Variants in STOX1 observed in about 807,000 individuals in gnomAD.
STOX1 encodes the protein storkhead-box protein 1.
STOX1 carries 57 observed loss-of-function variants against 74.8 expected under a neutral mutation model. That is an observed-to-expected ratio of 0.76 (90% confidence interval 0.62 to 0.95). The LOEUF is 0.95. STOX1 is among the 40% of genes least tolerant of loss of function. The probability of loss-of-function intolerance (pLI) is 0.00; values close to 1 mark genes in which losing one functional copy is unlikely to be tolerated. For synonymous variants in STOX1, 375 were observed against 401.3 expected (o/e 0.93, Z 0.78); for missense variants, 1,010 against 1,117.0 (o/e 0.90, Z 1.37).
chr10:68,884,833 A>T lies in STOX1; in HGVS notation c.1037A>T (p.Asp346Val). The T allele has an allele frequency of 6.2e-7, 1 of 1,614,214 alleles. No homozygotes were observed. The highest frequency in any genetic ancestry group is 2.2e-5 in the East Asian group (1 of 44,884). The change falls in exon 3 of 4, where the codon GAT (aspartate) becomes GTT (valine). Residue 346 changes from aspartate (D) to valine (V), a missense_variant. Physicochemically the swap from Asp to Val is radical, Grantham distance 152 (BLOSUM62 -3). Transcript: ENST00000298596. ...QFPPEEWPVR[D>V]EDDLDNIPRD... ...CCACCTGAAGAATGGCCCGTCCGAG[A>T]TGAAGATGACTTGGACAATATCCCT...
chr10:68,868,831 A>T (rs1840468425), intron 1 of STOX1, among the ~76,000 whole-genome samples: 1 of 152,362 alleles, frequency 6.6e-6, no homozygotes, highest in Non-Finnish European at 1.5e-5. Flanking sequence ...AAAAGCGCTG[A>T]TATCAGTAGA....
chr10:68,830,257 C>T (rs1311978560), intron 1 of STOX1, among the ~76,000 whole-genome samples: 6 of 152,138 alleles, frequency 3.9e-5, no homozygotes, highest in East Asian at 1.9e-4. Flanking sequence ...GGGTGTGCAA[C>T]GCAGTGGACT....
At chr10:68,838,254 A>G (rs1254053664) in intron 1 of STOX1, among the ~76,000 whole-genome samples, 1 of 151,748 alleles carries the variant, frequency 6.6e-6, no homozygotes, top group Non-Finnish European at 1.5e-5. Context: ...TTTAGTAGTG[A>G]TGGTGTTTCA....
At chr10:68,868,919 A>G (rs537509110) in intron 1 of STOX1, among the ~76,000 whole-genome samples, 1 of 152,344 alleles carries the variant, frequency 6.6e-6, no homozygotes, top group African/African-American at 2.4e-5. Flanking sequence ...AGATACTATT[A>G]TTCATCTTGA....
At chr10:68,835,990 G>A (rs960221030) in intron 1 of STOX1, among the ~76,000 whole-genome samples, 3 of 152,172 alleles carry the variant, frequency 2.0e-5, no homozygotes, top group Non-Finnish European at 4.4e-5. Context: ...TCCTGCCTCA[G>A]CCTCCTAAGT....
rs567989510 is a variant in STOX1 at position 68,828,701 on chromosome 10, A to T, written c.310+768A>T. Reference sequence around the variant, plus strand: ...CATATCTGGCAGCTTTATTATTATTATTTTTTGAACTACAGATCTGCAGCG... The same window carrying T: ...CATATCTGGCAGCTTTATTATTATTTTTTTTTGAACTACAGATCTGCAGCG... On this transcript the variant is annotated intron_variant, in intron 1 of 3. Coordinates refer to ENST00000298596, the MANE Select transcript of STOX1 (RefSeq NM_152709.5). 5.8e-4 allele frequency among the ~76,000 whole-genome samples: 89 copies of T among 152,168 alleles called. 2 individuals are homozygous for T. The South Asian group carries it at 0.018, about 30-fold the overall frequency.
At chr10:68,859,338 G>C (rs946376374) in intron 1 of STOX1, among the ~76,000 whole-genome samples, 1 of 152,042 alleles carries the variant, frequency 6.6e-6, no homozygotes, top group Non-Finnish European at 1.5e-5. Context: ...ATTTCTGCAT[G>C]CTGTAAGGAA....
chr10:68,861,468 C>T (rs764251406), intron 1 of STOX1, among the ~76,000 whole-genome samples: 1 of 152,130 alleles, frequency 6.6e-6, no homozygotes, highest in South Asian at 2.1e-4. Flanking sequence ...CAGCAACCTC[C>T]AGCGTGAGCA....
intron 3 of STOX1, among the ~76,000 whole-genome samples, chr10:68,889,810 G>T (rs7079736): frequency 6.6e-6 from 1 of 151,302 alleles, no homozygotes; most frequent in Non-Finnish European, 1.5e-5. Flanking sequence ...TGATCCACTC[G>T]TCTCAGCCTC....
chr10:68,850,901 G>A (rs1245897850), intron 1 of STOX1, among the ~76,000 whole-genome samples: 1 of 152,090 alleles, frequency 6.6e-6, no homozygotes, highest in Non-Finnish European at 1.5e-5. Context: ...GAGCCCGTGA[G>A]ATCAAGGCTG....
intron 1 of STOX1, among the ~76,000 whole-genome samples, chr10:68,835,326 G>A (rs12244712): frequency 7.2e-5 from 11 of 152,262 alleles, no homozygotes; most frequent in Middle Eastern, 3.4e-3. Context: ...ACAGGCATGA[G>A]CCACCGCACC....
chr10:68,888,957 A>G (rs1841035469), intron 3 of STOX1, among the ~76,000 whole-genome samples: 1 of 149,550 alleles, frequency 6.7e-6, no homozygotes, highest in Non-Finnish European at 1.5e-5. Flanking sequence ...CTGGCCCTAC[A>G]CTTTTTTCTA....
chr10:68,879,260 T>G (rs1009383763), intron 1 of STOX1, among the ~76,000 whole-genome samples: 4 of 152,248 alleles, frequency 2.6e-5, no homozygotes, highest in African/African-American at 9.6e-5. Context: ...CAAACCCCCT[T>G]TCCACCCGCC....
intron 1 of STOX1, among the ~76,000 whole-genome samples, chr10:68,867,488 A>C (rs1216204420): frequency 6.6e-6 from 1 of 152,168 alleles, no homozygotes; most frequent in Non-Finnish European, 1.5e-5. Context: ...TCTAATAGCC[A>C]CTGGGGTGAC....
At chr10:68,852,750 T>C (rs1409308339) in intron 1 of STOX1, among the ~76,000 whole-genome samples, 1 of 149,066 alleles carries the variant, frequency 6.7e-6, no homozygotes, top group Non-Finnish European at 1.5e-5. Context: ...GCCTGGCTAA[T>C]TTTTTTTTTG....
At chr10:68,845,457 G>A (rs1839816875) in intron 1 of STOX1, among the ~76,000 whole-genome samples, 1 of 151,086 alleles carries the variant, frequency 6.6e-6, no homozygotes, top group Admixed American at 6.6e-5. Context: ...TGTATTTTTA[G>A]TAGAGACAGG....
chr10:68,843,987 T>G (rs1028862671), intron 1 of STOX1, among the ~76,000 whole-genome samples: 1 of 152,030 alleles, frequency 6.6e-6, no homozygotes, highest in Non-Finnish European at 1.5e-5. Flanking sequence ...GAGACCATCC[T>G]GGCTAACACG....
At chr10:68,869,000 C>T (rs1475616882) in intron 1 of STOX1, among the ~76,000 whole-genome samples, 2 of 152,166 alleles carry the variant, frequency 1.3e-5, no homozygotes, top group African/African-American at 2.4e-5. Context: ...AATGTGAGCC[C>T]AGGTCTACCT....
At chr10:68,857,540 C>G (rs1840157172) in intron 1 of STOX1, among the ~76,000 whole-genome samples, 1 of 152,108 alleles carries the variant, frequency 6.6e-6, no homozygotes, top group Non-Finnish European at 1.5e-5. Flanking sequence ...TTAGGTAAAT[C>G]TTTCTGGAGT....
Sources: allele counts gnomAD v4.1 joint callset (sites outside exome capture counted in the v4.1 genomes callset), GRCh38; gene constraint gnomAD v4.1.1; transcripts MANE v1.5; gene names NCBI Gene and HGNC (gene_info 2026-07-23, HGNC 2026-07-21).